The following SLC10A3 variants were observed in gnomAD, a reference collection of about 807,000 sequenced individuals.
SLC10A3 encodes the protein P3 protein.
SLC10A3 carries 1 observed loss-of-function variant against 1.9 expected under a neutral mutation model. The observed-to-expected ratio is 0.52, with a 90% confidence interval of 0.19 to 2.48. SLC10A3 has a LOEUF of 2.48. Ranked by LOEUF, SLC10A3 falls within the 30% of genes most tolerant of loss-of-function variation. The probability of loss-of-function intolerance (pLI) is 0.25; values close to 1 mark genes in which losing one functional copy is unlikely to be tolerated. For synonymous variants in SLC10A3, 202 were observed against 189.3 expected (o/e 1.07, Z -0.55); for missense variants, 317 against 398.5 (o/e 0.80, Z 1.74).
In SLC10A3 at chrX:154,490,533, G is replaced by A. The variant is rs112239633; in HGVS notation, c.-369C>T. On this transcript the variant is annotated 5_prime_UTR_variant, in exon 1 of 2. Transcript: ENST00000651600. ...CCCTGCCAGGCCCGGCCGGGCGCCC[G>A]AGTGGGCGATCGCGGAGCAGGGTCG... The A allele has an allele frequency of 0.25, 41,428 of 164,699 alleles. 4,425 individuals are homozygous for A. The highest frequency in any genetic ancestry group is 0.39 in the Admixed American group (4,142 of 10,734). The allele number at this position is 164,699 out of a possible 1,213,427, so 13.6% of individuals were successfully genotyped here. A position where few individuals can be genotyped will look rare whatever the true frequency, so the allele number is the denominator to read the frequency against.
rs144362624 is a variant in SLC10A3, at chrX:154,487,935, C to T, written c.1006G>A (p.Val336Met). The T allele has an allele frequency of 2.5e-6, 3 of 1,211,349 alleles. No homozygotes were observed. The highest frequency in any genetic ancestry group is 3.4e-6 in the Non-Finnish European group (3 of 895,395). Residue 336 changes from valine (V) to methionine (M), a missense_variant, in exon 2 of 2, where the codon GTG (valine) becomes ATG (methionine). Transcript: ENST00000651600. ...TLLFIAIPIA[V>M]GVLIKSKLPK... The stretch of plus-strand genomic sequence containing the variant: ...AGCTTGGACTTGATCAGCACGCCCA[C>T]GGCTATGGGGATGGCAATGAACAGC...
rs782205487 is a variant in SLC10A3, at chrX:154,490,284, T to C, written c.-143+23A>G. 74 of 816,490 alleles carry C rather than the reference T, an allele frequency of 9.1e-5. No homozygotes were observed. The East Asian group carries it at 4.2e-3, about 46-fold the overall frequency. The allele number at this position is 816,490 out of a possible 1,213,427, so 67.3% of individuals were successfully genotyped here. A position where few individuals can be genotyped will look rare whatever the true frequency, so the allele number is the denominator to read the frequency against. Reference sequence around the variant, plus strand: ...GCCAAGTGTTCGGGGTAACTGGCAGTGCTAACAGGGGCTCCTCCCTACCTG... The same window carrying C: ...GCCAAGTGTTCGGGGTAACTGGCAGCGCTAACAGGGGCTCCTCCCTACCTG... On this transcript the variant is annotated intron_variant, in intron 1 of 1. Coordinates refer to ENST00000651600, the MANE Select transcript of SLC10A3 (RefSeq NM_019848.5).
chrX:154,487,999 C>G lies in SLC10A3; in HGVS notation c.942G>C (p.Glu314Asp), dbSNP rs782736757. 1 of 1,211,481 alleles carries G rather than the reference C, an allele frequency of 8.3e-7. No homozygotes were observed. Among genetic ancestry groups the G allele is most frequent in the Non-Finnish European group, 1.1e-6 (1 of 895,544 alleles). Residue 314 changes from glutamate to aspartate, a missense_variant, in exon 2 of 2, where the codon GAG becomes GAC. Physicochemically the swap from Glu to Asp is conservative, Grantham distance 45. Coordinates refer to ENST00000651600, the MANE Select transcript of SLC10A3 (RefSeq NM_019848.5). ...TCTTGGAGATGGGCACGTGGAGCGT[C>G]TCATGGATGCTGAGCAGGCGGCTGT... ...AIYSRLLSIH[E>D]TLHVPISKIL... is the part of the protein sequence containing the mutation.
Position 154,488,886 on chromosome X carries a change from C to G in SLC10A3, c.55G>C (p.Glu19Gln). 1 of 1,210,325 alleles carries G rather than the reference C, an allele frequency of 8.3e-7. No homozygotes were observed. Among genetic ancestry groups the G allele is most frequent in the Non-Finnish European group, 1.1e-6 (1 of 895,155 alleles). Reference sequence around the variant, plus strand: ...CTTAAGGGACCTGTGCCACCACCCTCGCCCCCCAGACCAGGCCACTGCTGA... The same window carrying G: ...CTTAAGGGACCTGTGCCACCACCCTGGCCCCCCAGACCAGGCCACTGCTGA... The part of the protein sequence containing the change: ...SSQQWPGLGG[E>Q]GGGTGPLSML... The change falls in exon 2 of 2, where the codon GAG becomes CAG. Residue 19 changes from glutamate (E) to glutamine (Q), a missense_variant. Glu to Gln is a conservative substitution (Grantham distance 29, BLOSUM62 2). Transcript: ENST00000651600.
At chrX:154,489,797 A>G in intron 1 of SLC10A3, 1 of 956,845 alleles carries the variant, frequency 1.0e-6, no homozygotes, top group Middle Eastern at 2.9e-4. Context: ...CGTCTTTGGC[A>G]TTGGCCTCCC....
chrX:154,487,878 C>G lies in SLC10A3; in HGVS notation c.1063G>C (p.Val355Leu), dbSNP rs1250180438. 8.3e-7 allele frequency: 1 copy of G among 1,211,417 alleles called. No homozygotes were observed. Among genetic ancestry groups the G allele is most frequent in the Admixed American group, 2.2e-5 (1 of 46,093 alleles). Residue 355 changes from valine (V) to leucine (L), a missense_variant, in exon 2 of 2, where the codon GTC becomes CTC. Physicochemically the swap from Val to Leu is conservative, Grantham distance 32 (BLOSUM62 1). Transcript: ENST00000651600. ...AGGAGCACAAAGCTGAAGGGCTTGA[C>G]GACCTGCAGCAGCAGCTGGGAGAAC... ...PKFSQLLLQV[V>L]KPFSFVLLLG...
Position 154,487,810 on chromosome X carries a change from G to A in SLC10A3, c.1131C>T (p.Ile377=), listed in dbSNP as rs2069321423. ...CGATGGGTAGCCGGATGCCTGCCAG[G>A]ATGAAGACCCCCATGCGATAGGCCA... ...LFLAYRMGVF[I]LAGIRLPIVL... is the part of the protein sequence containing the mutation. The change falls in exon 2 of 2, where the codon ATC becomes ATT. Residue 377 remains isoleucine (I), a synonymous_variant. Coordinates refer to ENST00000651600, the MANE Select transcript of SLC10A3 (RefSeq NM_019848.5). 1.7e-6 allele frequency: 2 copies of A among 1,209,709 alleles called. No homozygotes were observed. The highest frequency in any genetic ancestry group is 3.5e-5 in the African/African-American group (2 of 57,308).
At chrX:154,489,149 C>T in intron 1 of SLC10A3, 67 bp from the exon 2 acceptor site, 1 of 1,158,685 alleles carries the variant, frequency 8.6e-7, no homozygotes, top group Non-Finnish European at 1.2e-6. Flanking sequence ...CTTGGTCCAG[C>T]CATGTGTCTT....
chrX:154,489,090 G>C lies in SLC10A3; in HGVS notation c.-142-8C>G. ...TTGATGGCAGGGCTGTCCCTGAGGA[G>C]GTAAGGGACACAGAGAGGCAGCTGG... On this transcript the variant is annotated splice_polypyrimidine_tract_variant and splice_region_variant and intron_variant, in intron 1 of 1. Coordinates refer to ENST00000651600, the MANE Select transcript of SLC10A3 (RefSeq NM_019848.5). 1.7e-6 allele frequency: 2 copies of C among 1,163,297 alleles called. No individual in the cohort carries two copies. The highest frequency in any genetic ancestry group is 1.9e-5 in the South Asian group (1 of 52,405).
chrX:154,490,435 G>C lies in SLC10A3; in HGVS notation c.-271C>G, dbSNP rs782527325. On this transcript the variant is annotated 5_prime_UTR_variant, in exon 1 of 2. Coordinates refer to ENST00000651600, the MANE Select transcript of SLC10A3 (RefSeq NM_019848.5). The stretch of plus-strand genomic sequence containing the variant: ...CTCGGGCCGTCTCGGAGTCTGGGGG[G>C]GCCCCTTACGCCATTCCTGGGCCCC... The C allele has an allele frequency of 1.5e-5, 10 of 670,469 alleles. No individual in the cohort carries two copies. Among genetic ancestry groups the C allele is most frequent in the East Asian group, 3.3e-4 (2 of 6,136 alleles). The allele number at this position is 670,469 out of a possible 1,213,427, so 55.3% of individuals were successfully genotyped here.
At position 154,488,419 on chromosome X, in the gene SLC10A3, T is replaced by G; in HGVS notation, c.522A>C (p.Glu174Asp). The change falls in exon 2 of 2, where the codon GAA (glutamate) becomes GAC (aspartate). Residue 174 changes from glutamate (E) to aspartate (D), a missense_variant. Coordinates refer to ENST00000651600, the MANE Select transcript of SLC10A3 (RefSeq NM_019848.5). ...RDFCIKVSPA[E>D]DTPATLSADL... ...CGGCGCTGAGGGTGGCAGGCGTGTC[T>G]TCAGCAGGTGAGACCTTGATGCAGA... 8.3e-7 allele frequency: 1 copy of G among 1,211,278 alleles called. No homozygotes were observed. Among genetic ancestry groups the G allele is most frequent in the East Asian group, 3.0e-5 (1 of 33,857 alleles).
Position 154,488,259 on chromosome X carries a change from G to C in SLC10A3, c.682C>G (p.Leu228Val). 1.7e-6 allele frequency: 2 copies of C among 1,211,352 alleles called. No individual in the cohort carries two copies. Among genetic ancestry groups the C allele is most frequent in the Non-Finnish European group, 2.2e-6 (2 of 895,322 alleles). The change falls in exon 2 of 2, where the codon CTG (leucine) becomes GTG (valine). Residue 228 changes from leucine to valine, a missense_variant. Coordinates refer to ENST00000651600, the MANE Select transcript of SLC10A3 (RefSeq NM_019848.5). ...GLMQSPQPML[L>V]GLLGQFLVMP... is the part of the protein sequence containing the mutation. ...ACCAGAAACTGGCCCAGGAGGCCCA[G>C]CAGCATGGGCTGGGGGCTCTGCATG...
At position 154,488,358 on chromosome X, in the gene SLC10A3, G is replaced by A; in HGVS notation, c.583C>T (p.Leu195=). The change falls in exon 2 of 2, where the codon CTG becomes TTG. Residue 195 remains leucine, a synonymous_variant. Transcript: ENST00000651600. ...AHFSENPILY[L]LLPLIFVNKC... Reference sequence around the variant, plus strand: ...TTGACAAAGATAAGAGGCAGGAGCAGGTAGAGGATTGGGTTTTCCGAGAAG... The same window carrying A: ...TTGACAAAGATAAGAGGCAGGAGCAAGTAGAGGATTGGGTTTTCCGAGAAG... 1.7e-6 allele frequency: 2 copies of A among 1,211,982 alleles called. No homozygotes were observed. The highest frequency in any genetic ancestry group is 3.5e-5 in the South Asian group (2 of 57,046).
intron 1 of SLC10A3, chrX:154,489,446 T>G: frequency 2.7e-6 from 2 of 753,143 alleles, no homozygotes; most frequent in Middle Eastern, 7.6e-4. Flanking sequence ...ACTGGGGGGG[T>G]TTCTCCTCCT....
Position 154,487,530 on chromosome X carries a change from T to C in SLC10A3, c.1411A>G (p.Ser471Gly), listed in dbSNP as rs1293280925. The C allele has an allele frequency of 6.6e-6, 8 of 1,209,204 alleles. No individual in the cohort carries two copies. The highest frequency in any genetic ancestry group is 8.9e-6 in the Non-Finnish European group (8 of 895,052). Residue 471 changes from serine to glycine, a missense_variant, in exon 2 of 2, where the codon AGC becomes GGC. Transcript: ENST00000651600. ...CCTCAGGGAACTGGGAACAGGCTGCTGTAGATGAAGTGGCCAATGACCAAG... is the reference window on the plus strand; with the variant it reads ...CCTCAGGGAACTGGGAACAGGCTGCCGTAGATGAAGTGGCCAATGACCAAG... The part of the protein sequence containing the change: ...LALVIGHFIY[S>G]SLFPVP
Position 154,489,037 on chromosome X carries a change from G to A in SLC10A3, c.-97C>T. On this transcript the variant is annotated 5_prime_UTR_variant, in exon 2 of 2. Transcript: ENST00000651600. ...TGGGTTGTCCTGAGAAGGGTTCATGGGTGGGTCCCAGTCCTGTGCTGTCTT... is the reference window on the plus strand; with the variant it reads ...TGGGTTGTCCTGAGAAGGGTTCATGAGTGGGTCCCAGTCCTGTGCTGTCTT... 8.6e-7 allele frequency: 1 copy of A among 1,167,273 alleles called. No homozygotes were observed. The highest frequency in any genetic ancestry group is 1.1e-6 in the Non-Finnish European group (1 of 872,937).
Position 154,488,109 on chromosome X carries a change from CAAG to C in SLC10A3, c.829_831del (p.Leu277del), listed in dbSNP as rs1557213583. The C allele has an allele frequency of 8.3e-7, 1 of 1,211,307 alleles. No individual in the cohort carries two copies. Among genetic ancestry groups the C allele is most frequent in the African/African-American group, 1.7e-5 (1 of 57,815 alleles). The stretch of plus-strand genomic sequence containing the variant: ...GAGATGGCCAGGGTGACGTCCCCTC[CAAG>C]AAGGAGGCTGAAGAGGTAGCTCCCC... On this transcript the variant is annotated inframe_deletion, in exon 2 of 2. Coordinates refer to ENST00000651600, the MANE Select transcript of SLC10A3 (RefSeq NM_019848.5).
rs781935307 is a variant in SLC10A3 at position 154,487,967 on chromosome X, C to G, written c.974G>C (p.Gly325Ala). The G allele has an allele frequency of 8.3e-7, 1 of 1,211,537 alleles. No individual in the cohort carries two copies. The highest frequency in any genetic ancestry group is 1.1e-6 in the Non-Finnish European group (1 of 895,479). The change falls in exon 2 of 2, where the codon GGG (glycine) becomes GCG (alanine). Residue 325 changes from glycine to alanine, a missense_variant. Transcript: ENST00000651600. Reference protein sequence around the residue: ...TLHVPISKILGTLLFIAIPIA... With the variant: ...TLHVPISKILATLLFIAIPIA... The stretch of plus-strand genomic sequence containing the variant: ...GGGGATGGCAATGAACAGCAGGGTC[C>G]CCAGGATCTTGGAGATGGGCACGTG...
Position 154,488,754 on chromosome X carries a change from C to T in SLC10A3, c.187G>A (p.Gly63Ser), listed in dbSNP as rs2069345109. The T allele has an allele frequency of 5.0e-6, 6 of 1,210,312 alleles. No homozygotes were observed. The highest frequency in any genetic ancestry group is 6.7e-6 in the Non-Finnish European group (6 of 895,190). Residue 63 changes from glycine (G) to serine (S), a missense_variant, in exon 2 of 2, where the codon GGC becomes AGC. Coordinates refer to ENST00000651600, the MANE Select transcript of SLC10A3 (RefSeq NM_019848.5). ...AGGHTVPPTG[G>S]RYLSIGDGSV... ...CCATCTCCAATGCTCAAGTAGCGGC[C>T]CCCAGTCGGTGGCACGGTGTGACCC...
Sources: gnomAD v4.1 joint callset for allele counts on GRCh38, gnomAD v4.1.1 for gene constraint, MANE v1.5 for transcripts, NCBI Gene and HGNC (gene_info 2026-07-23, HGNC 2026-07-21) for gene names.